The following SNX30 variants were observed in gnomAD, a reference collection of about 807,000 sequenced individuals.
The protein encoded by SNX30 is sorting nexin family member 30, also known as sorting nexin-30.
SNX30 carries 24 observed loss-of-function variants against 46.4 expected under a neutral mutation model. That is an observed-to-expected ratio of 0.52 (90% CI 0.37 to 0.73). The LOEUF (loss-of-function observed/expected upper bound fraction) is 0.73. Among genes scored for constraint, SNX30 ranks in the 30% least tolerant of loss-of-function variants. SNX30 has a pLI of 0.00. For missense variants in SNX30, 533 were observed against 555.7 expected (o/e 0.96, Z 0.41); for synonymous variants, 189 against 211.5 (o/e 0.89, Z 0.92).
rs1245402539 is a variant in SNX30, at chr9:112,804,776, G to T, written c.157G>T (p.Asp53Tyr). The T allele has an allele frequency of 2.5e-6, 4 of 1,596,996 alleles. No individual in the cohort carries two copies. The highest frequency in any genetic ancestry group is 1.4e-5 in the African/African-American group (1 of 74,070). Residue 53 changes from aspartate (D) to tyrosine (Y), a missense_variant and splice_region_variant, in exon 2 of 9, where the codon GAT (aspartate) becomes TAT (tyrosine). Asp to Tyr is a radical substitution (Grantham distance 160). Around this residue, in one of 3 missense-constraint regions of SNX30, gnomAD observed 191 missense variants for 160.3 expected, o/e 1.19. Coordinates refer to ENST00000374232, the MANE Select transcript of SNX30 (RefSeq NM_001012994.2). ...TTAAGGTGCTCTTTTCTTCTTTTAG[G>T]ATCTCATTTTGCCCAACGGTGGTAC... Reference protein sequence around the residue: ...LLMARSFGDKDLILPNGGTPA... With the variant: ...LLMARSFGDKYLILPNGGTPA...
intron 1 of SNX30, among the ~76,000 whole-genome samples, chr9:112,761,043 G>A (rs1839426012): frequency 6.6e-6 from 1 of 152,236 alleles, no homozygotes; most frequent in Non-Finnish European, 1.5e-5. Context: ...GTGGAGATTA[G>A]TGAGAGACGA....
chr9:112,845,315 TG>T (rs1003959043), intron 6 of SNX30, among the ~76,000 whole-genome samples: 1 of 151,456 alleles, frequency 6.6e-6, no homozygotes, highest in African/African-American at 2.4e-5. Flanking sequence ...AAACCGACTG[TG>T]GGGGAAAAAA....
intron 2 of SNX30, among the ~76,000 whole-genome samples, chr9:112,808,797 G>A (rs1393575136): frequency 6.6e-6 from 1 of 152,178 alleles, no homozygotes; most frequent in African/African-American, 2.4e-5. Flanking sequence ...ATGCCAGTAA[G>A]CATGCTTTTA....
chr9:112,864,201 T>A, intron 7 of SNX30, 46 bp from the exon 8 acceptor site: 1 of 1,607,078 alleles, frequency 6.2e-7, no homozygotes, highest in East Asian at 2.2e-5. Context: ...AGGCAAGAGA[T>A]GCCAGTTTTG....
At chr9:112,771,445 T>C (rs904010857) in intron 1 of SNX30, among the ~76,000 whole-genome samples, 3 of 152,220 alleles carry the variant, frequency 2.0e-5, no homozygotes, top group African/African-American at 7.2e-5. Flanking sequence ...AAAAAAACGT[T>C]AAGTTGAAAA....
chr9:112,850,780 G>A, intron 6 of SNX30, 79 bp from the exon 7 acceptor site: 2 of 1,078,960 alleles, frequency 1.9e-6, no homozygotes, highest in Admixed American at 3.9e-5. Context: ...AGGCGTGGGG[G>A]AAAAGAAGCA....
chr9:112,815,040 C>T (rs751420034), intron 2 of SNX30, among the ~76,000 whole-genome samples: 6 of 152,026 alleles, frequency 3.9e-5, no homozygotes, highest in African/African-American at 7.2e-5. Flanking sequence ...AATGAATATG[C>T]GTAGAAAAAT....
At chr9:112,782,688 C>G (rs1168005582) in intron 1 of SNX30, among the ~76,000 whole-genome samples, 3 of 152,090 alleles carry the variant, frequency 2.0e-5, no homozygotes, top group Admixed American at 6.5e-5. Context: ...ATTATTAAAA[C>G]TCAGATCTGT....
chr9:112,769,282 T>A (rs1463110347), intron 1 of SNX30, among the ~76,000 whole-genome samples: 1 of 152,220 alleles, frequency 6.6e-6, no homozygotes, highest in African/African-American at 2.4e-5. Context: ...ATTGAGGTCG[T>A]TTCTGTCTTT....
chr9:112,834,856 A>ACC (rs1840724431), intron 4 of SNX30, among the ~76,000 whole-genome samples: 2 of 85,448 alleles, frequency 2.3e-5, no homozygotes, highest in African/African-American at 6.1e-5. Context: ...ACACACACAC[A>ACC]CACACACACA....
At chr9:112,756,323 C>G (rs932916273) in intron 1 of SNX30, among the ~76,000 whole-genome samples, 1 of 152,004 alleles carries the variant, frequency 6.6e-6, no homozygotes, top group African/African-American at 2.4e-5. Context: ...TAGACCCCAA[C>G]TTACTGTCTT....
intron 6 of SNX30, among the ~76,000 whole-genome samples, chr9:112,840,267 C>T (rs1281415163): frequency 6.6e-6 from 1 of 152,202 alleles, no homozygotes; most frequent in Non-Finnish European, 1.5e-5. Context: ...CCTGAGACCA[C>T]TAGTTGGAAA....
At chr9:112,815,330 A>G (rs986250652) in intron 2 of SNX30, among the ~76,000 whole-genome samples, 3 of 152,128 alleles carry the variant, frequency 2.0e-5, no homozygotes, top group African/African-American at 4.8e-5. Context: ...TCTGAAAAAC[A>G]TAAGAGAAAT....
intron 2 of SNX30, among the ~76,000 whole-genome samples, chr9:112,813,080 T>C (rs1840344302): frequency 6.6e-6 from 1 of 151,814 alleles, no homozygotes; most frequent in African/African-American, 2.4e-5. Context: ...CTGGGAGGTG[T>C]GGAGGTTGCA....
At chr9:112,838,288 G>A (rs1397395867) in intron 5 of SNX30, among the ~76,000 whole-genome samples, 4 of 152,222 alleles carry the variant, frequency 2.6e-5, no homozygotes, top group African/African-American at 9.7e-5. Context: ...TCACGGGATG[G>A]AATGGATTGA....
At chr9:112,769,035 A>G (rs972104380) in intron 1 of SNX30, among the ~76,000 whole-genome samples, 1 of 152,164 alleles carries the variant, frequency 6.6e-6, no homozygotes, top group African/African-American at 2.4e-5. Context: ...TCAGACAAGC[A>G]TGCTTTCAGC....
chr9:112,788,338 T>C (rs904694221), intron 1 of SNX30, among the ~76,000 whole-genome samples: 2 of 152,190 alleles, frequency 1.3e-5, no homozygotes, highest in Non-Finnish European at 2.9e-5. Flanking sequence ...GGCACCTGAC[T>C]TCTTAGGTCA....
rs1450681775 is a variant in SNX30, at chr9:112,798,053, G to C, written c.157-6723G>C. Among the ~76,000 whole-genome samples the C allele has an allele frequency of 3.4e-5, 5 of 147,956 alleles. No individual in the cohort carries two copies. In the East Asian group the frequency reaches 9.9e-4, roughly 29 times the overall value. On this transcript the variant is annotated intron_variant, in intron 1 of 8. Transcript: ENST00000374232. Reference sequence around the variant, plus strand: ...TTACCTGGGCCCACGTGGTGGTCTTGACAAAGTGGGAAAAACGGAGTATGC... The same window carrying C: ...TTACCTGGGCCCACGTGGTGGTCTTCACAAAGTGGGAAAAACGGAGTATGC...
chr9:112,879,921 G>T, downstream of SNX30: 1 of 1,112,732 alleles, frequency 9.0e-7, no homozygotes, highest in Non-Finnish European at 1.4e-6. Flanking sequence ...CAGGCTTTAG[G>T]CAAAATCATA....
Sources: allele counts gnomAD v4.1 joint callset (sites outside exome capture counted in the v4.1 genomes callset), GRCh38; gene constraint gnomAD v4.1.1; regional missense constraint gnomAD v4.1.1; transcripts MANE v1.5; gene names NCBI Gene and HGNC (gene_info 2026-07-23, HGNC 2026-07-21).